Variants in PTPRN2 observed in about 807,000 individuals in gnomAD.
PTPRN2 encodes the protein receptor-type tyrosine-protein phosphatase N2.
Under a neutral mutation model 118.8 loss-of-function variants are expected in PTPRN2, and 74 were observed. That is an observed-to-expected ratio of 0.62 (90% CI 0.52 to 0.76). PTPRN2 has a LOEUF of 0.76. PTPRN2 is among the 30% of genes least tolerant of loss of function. The pLI is 0.00. For missense variants in PTPRN2, 1,481 were observed against 1,394.4 expected, an observed-to-expected ratio of 1.06 and a Z score of -0.99; for synonymous variants, 641 against 608.0, an observed-to-expected ratio of 1.05 and a Z score of -0.80.
At chr7:157,818,156 G>A (rs769823851) in intron 12 of PTPRN2, among the ~76,000 whole-genome samples, 5 of 151,550 alleles carry the variant, frequency 3.3e-5, no homozygotes, top group Non-Finnish European at 7.4e-5. Context: ...CATGTGTGGT[G>A]TGTGTGGTAG....
At chr7:157,857,672 G>A (rs1809820688) in intron 12 of PTPRN2, 1 of 152,344 alleles carries the variant, frequency 6.6e-6, no homozygotes, top group Non-Finnish European at 1.5e-5. Flanking sequence ...GCCCTGAGTA[G>A]AAAAGTTCAC....
At chr7:157,740,286 C>A (rs2150960823) in intron 12 of PTPRN2, 1 of 152,338 alleles carries the variant, frequency 6.6e-6, no homozygotes, top group Non-Finnish European at 1.5e-5. Context: ...GAACACTAAC[C>A]TATCAATGAC....
At chr7:157,952,190 C>T (rs533617591) in intron 11 of PTPRN2, among the ~76,000 whole-genome samples, 3 of 152,288 alleles carry the variant, frequency 2.0e-5, no homozygotes, top group South Asian at 2.1e-4. Flanking sequence ...CCCCCCAGAG[C>T]CCCCCACAGA....
At chr7:158,312,078 T>C (rs1314314037) in intron 3 of PTPRN2, among the ~76,000 whole-genome samples, 4 of 85,528 alleles carry the variant, frequency 4.7e-5, no homozygotes, top group Non-Finnish European at 9.6e-5. Flanking sequence ...CACACACACG[T>C]GCACTCATTC....
At chr7:158,245,264 G>A (rs138092955) in intron 3 of PTPRN2, among the ~76,000 whole-genome samples, 18,566 of 149,440 alleles carry the variant, frequency 0.12, 1,415 homozygotes, top group Admixed American at 0.22. Context: ...TGGAATCCAC[G>A]GTCATGCCGG....
intron 10 of PTPRN2, among the ~76,000 whole-genome samples, chr7:158,107,616 CA>C (rs1470007997): frequency 6.6e-6 from 1 of 152,102 alleles, no homozygotes. Flanking sequence ...GGGCAGGCAT[CA>C]CACTGTGTAG....
rs1795589815 is a variant in PTPRN2, at chr7:157,874,483, AC to A, written c.1788+24189del. 1.3e-5 allele frequency among the ~76,000 whole-genome samples: 2 copies of A among 152,250 alleles called. No individual in the cohort carries two copies. Among genetic ancestry groups the A allele is most frequent in the South Asian group, 4.1e-4 (2 of 4,822 alleles). On this transcript the variant is annotated intron_variant, in intron 12 of 22. Transcript: ENST00000389418. The surrounding 1 kb of genome is among the most constrained non-coding windows in gnomAD (Gnocchi z 5.8). ...AGCCACAGTGCCTTCCTGCCAGCCAACCATGTTCACAAGGAAGTTCATGTCC... is the reference window on the plus strand; with the variant it reads ...AGCCACAGTGCCTTCCTGCCAGCCAACATGTTCACAAGGAAGTTCATGTCC...
chr7:157,578,034 T>C lies in PTPRN2; in HGVS notation c.2603A>G (p.Tyr868Cys), dbSNP rs1171181410. ...TGGTCGGAGTACCTCATAGATGTGG[T>C]AGAGATTGGAGCCTTCATCCGGCCA... is the stretch of plus-strand genomic sequence containing the variant. ...HYWPDEGSNL[Y>C]HIYEVNLVSE... Residue 868 changes from tyrosine (Y) to cysteine (C), a missense_variant, in exon 18 of 23, where the codon TAC becomes TGC. Tyr to Cys is a radical substitution (Grantham distance 194). Around this residue, in one of 3 missense-constraint regions of PTPRN2, gnomAD observed 362 missense variants for 384.1 expected, o/e 0.94. Transcript: ENST00000389418. 1.2e-6 allele frequency: 2 copies of C among 1,611,414 alleles called. No homozygotes were observed. The highest frequency in any genetic ancestry group is 1.7e-5 in the Admixed American group (1 of 59,926).
At chr7:157,657,735 C>G (rs1462631736) in intron 13 of PTPRN2, among the ~76,000 whole-genome samples, 2 of 136,346 alleles carry the variant, frequency 1.5e-5, no homozygotes, top group African/African-American at 5.6e-5. Context: ...ACACACATCA[C>G]ACATATACAC....
rs545123252 is a variant in PTPRN2 at position 157,840,438 on chromosome 7, G to A, written c.1788+58235C>T. Among the ~76,000 whole-genome samples, 95 of 148,486 alleles carry A rather than the reference G, an allele frequency of 6.4e-4. No individual in the cohort carries two copies. The South Asian group carries it at 9.2e-3, about 14-fold the overall frequency. ...TGTGACTGTGTGTGACTGTGTGACCGCGTGTGACTGTGTGACCGCGTGTGA... is the reference window on the plus strand; with the variant it reads ...TGTGACTGTGTGTGACTGTGTGACCACGTGTGACTGTGTGACCGCGTGTGA... On this transcript the variant is annotated intron_variant, in intron 12 of 22. Coordinates refer to ENST00000389418, the MANE Select transcript of PTPRN2 (RefSeq NM_002847.5).
At chr7:157,668,009 C>T (rs531128614) in intron 13 of PTPRN2, among the ~76,000 whole-genome samples, 92 of 152,340 alleles carry the variant, frequency 6.0e-4, no homozygotes, top group African/African-American at 2.1e-3. Flanking sequence ...GAAAGCTTCC[C>T]GTGCTCTGAG....
rs1481181376 is a variant in PTPRN2 at position 157,596,621 on chromosome 7, C to T, written c.2419-1306G>A. Among the ~76,000 whole-genome samples the T allele has an allele frequency of 6.6e-6, 1 of 152,154 alleles. No individual in the cohort carries two copies. Among genetic ancestry groups the T allele is most frequent in the Admixed American group, 6.5e-5 (1 of 15,280 alleles). On this transcript the variant is annotated intron_variant, in intron 16 of 22. Coordinates refer to ENST00000389418, the MANE Select transcript of PTPRN2 (RefSeq NM_002847.5). The surrounding 1 kb of genome is among the most constrained non-coding windows in gnomAD (Gnocchi z 4.2). ...CCACCCTGCAAAGGACACGAAGATA[C>T]CAGGACATCACTATCATCCCCAGGG...
At chr7:158,268,980 C>T (rs1224178607) in intron 3 of PTPRN2, among the ~76,000 whole-genome samples, 1 of 152,200 alleles carries the variant, frequency 6.6e-6, no homozygotes, top group Non-Finnish European at 1.5e-5. Context: ...AAGCCGTTGC[C>T]GGGCCTGAAA....
intron 2 of PTPRN2, among the ~76,000 whole-genome samples, chr7:158,365,286 G>A (rs894474023): frequency 2.6e-5 from 4 of 152,162 alleles, no homozygotes; most frequent in Admixed American, 6.5e-5. Flanking sequence ...GGAGGCCAGC[G>A]GGGCTGGAGG....
chr7:157,709,756 C>T (rs1798508292), intron 12 of PTPRN2, among the ~76,000 whole-genome samples: 1 of 152,242 alleles, frequency 6.6e-6, no homozygotes. Flanking sequence ...TCCCAGAGCA[C>T]TCAGCCCGGC....
intron 12 of PTPRN2, among the ~76,000 whole-genome samples, chr7:157,719,414 C>T (rs752336652): frequency 2.5e-4 from 38 of 152,258 alleles, no homozygotes; most frequent in Admixed American, 1.9e-3. Context: ...ACAGCACTGC[C>T]GTCATGCGCT....
chr7:158,511,803 T>C (rs1459783396), intron 1 of PTPRN2, among the ~76,000 whole-genome samples: 1 of 152,160 alleles, frequency 6.6e-6, no homozygotes, highest in Non-Finnish European at 1.5e-5. Context: ...ACATGCACAT[T>C]GCTAAGTGAA....
At chr7:158,228,118 C>T (rs1828932091) in intron 3 of PTPRN2, among the ~76,000 whole-genome samples, 1 of 152,174 alleles carries the variant, frequency 6.6e-6, no homozygotes, top group African/African-American at 2.4e-5. Context: ...AACACATTTA[C>T]AAAGACAGTT....
At chr7:158,109,931 C>A (rs1816079335) in intron 10 of PTPRN2, among the ~76,000 whole-genome samples, 1 of 151,306 alleles carries the variant, frequency 6.6e-6, no homozygotes, top group Non-Finnish European at 1.5e-5. Context: ...AATGACGTCA[C>A]TCTGTGGGAG....
Sources: allele counts gnomAD v4.1 joint callset (sites outside exome capture counted in the v4.1 genomes callset), GRCh38; gene constraint gnomAD v4.1.1; regional missense constraint gnomAD v4.1.1; non-coding constraint Gnocchi (gnomAD v3.1); transcripts MANE v1.5; gene names NCBI Gene and HGNC (gene_info 2026-07-23, HGNC 2026-07-21).